MBTD1: variants seen among roughly 807,000 people sequenced by gnomAD.
MBTD1 encodes MBT domain-containing protein 1.
Under a neutral mutation model 87.8 loss-of-function variants are expected in MBTD1, and 24 were observed. That is an observed-to-expected ratio of 0.27 (90% confidence interval 0.20 to 0.38). The LOEUF is 0.38. Ranked by LOEUF, MBTD1 falls within the 10% of genes least tolerant of loss-of-function variation. The pLI is 1.00. For missense variants in MBTD1, 436 were observed against 760.2 expected, an observed-to-expected ratio of 0.57 and a Z score of 5.02; for synonymous variants, 237 against 248.6, an observed-to-expected ratio of 0.95 and a Z score of 0.44.
chr17:51,246,948 T>C (rs934190121), intron 2 of MBTD1, among the ~76,000 whole-genome samples: 4 of 152,150 alleles, frequency 2.6e-5, no homozygotes, highest in Non-Finnish European at 4.4e-5. Flanking sequence ...CCATTTGTTT[T>C]CTTTTCTATC....
At chr17:51,204,368 T>C (rs1484096406) in intron 7 of MBTD1, among the ~76,000 whole-genome samples, 1 of 151,642 alleles carries the variant, frequency 6.6e-6, no homozygotes, top group Non-Finnish European at 1.5e-5. Context: ...GCGATTCTCC[T>C]ACCTCAGCCT....
intron 2 of MBTD1, among the ~76,000 whole-genome samples, chr17:51,239,224 G>A (rs947507328): frequency 5.3e-5 from 8 of 152,022 alleles, no homozygotes; most frequent in Admixed American, 4.6e-4. Context: ...GGGATAGACA[G>A]TAAAAGAGCA....
Position 51,208,387 on chromosome 17 carries a change from T to A in MBTD1, c.487-1382A>T, listed in dbSNP as rs1055506273. On this transcript the variant is annotated intron_variant, in intron 6 of 16. Coordinates refer to ENST00000586178, the MANE Select transcript of MBTD1 (RefSeq NM_017643.3). ...CTTGTGCAAAAAATAATATATTCAT[T>A]GTGACTACCTCTTCTTTAAACTGAA... 3.3e-5 allele frequency among the ~76,000 whole-genome samples: 5 copies of A among 152,230 alleles called. No homozygotes were observed. The South Asian group carries it at 6.2e-4, about 19-fold the overall frequency.
intron 2 of MBTD1, among the ~76,000 whole-genome samples, chr17:51,241,081 C>T (rs2054139055): frequency 6.6e-6 from 1 of 151,982 alleles, no homozygotes; most frequent in Admixed American, 6.6e-5. Flanking sequence ...AGGGTTCAAG[C>T]AATCCTTTTG....
At chr17:51,259,613 G>C (rs567892999) in intron 1 of MBTD1, among the ~76,000 whole-genome samples, 2 of 150,780 alleles carry the variant, frequency 1.3e-5, no homozygotes, top group Non-Finnish European at 3.0e-5. Flanking sequence ...GGAGGAGATG[G>C]AGAGAACCCC....
intron 2 of MBTD1, among the ~76,000 whole-genome samples, chr17:51,246,853 T>C (rs1329329386): frequency 6.6e-6 from 1 of 152,172 alleles, no homozygotes; most frequent in Middle Eastern, 3.2e-3. Flanking sequence ...TTGGCCAGGC[T>C]GGTCTTGAAC....
At chr17:51,250,820 T>C (rs924982672) in intron 2 of MBTD1, 4 of 152,232 alleles carry the variant, frequency 2.6e-5, no homozygotes, top group Non-Finnish European at 4.4e-5. Flanking sequence ...CAGTAGACTT[T>C]GGATCCATCT....
rs771790728 is a variant in MBTD1 at position 51,195,280 on chromosome 17, T to G, written c.1306A>C (p.Thr436Pro). 6.2e-7 allele frequency: 1 copy of G among 1,613,282 alleles called. No individual in the cohort carries two copies. Among genetic ancestry groups the G allele is most frequent in the Admixed American group, 1.7e-5 (1 of 59,946 alleles). Residue 436 changes from threonine (T) to proline (P), a missense_variant, in exon 13 of 17, where the codon ACC (threonine) becomes CCC (proline). This residue lies in a region of MBTD1 where 268 missense variants were observed against 401.8 expected (regional missense o/e 0.67). Coordinates refer to ENST00000586178, the MANE Select transcript of MBTD1 (RefSeq NM_017643.3). ...DGSDWFCYHA[T>P]SPSIFPVGFC... ...CCGACAGGGAAAATAGAAGGAGAGG[T>G]TGCATGGTAACAGAACCAGTCAGAT...
chr17:51,229,627 T>A (rs1451712656), intron 2 of MBTD1, among the ~76,000 whole-genome samples: 4 of 151,682 alleles, frequency 2.6e-5, no homozygotes, highest in African/African-American at 9.7e-5. Context: ...CACGTTCTAA[T>A]AATGTTGCCA....
intron 2 of MBTD1, among the ~76,000 whole-genome samples, chr17:51,245,990 T>G (rs925185760): frequency 6.6e-6 from 1 of 152,226 alleles, no homozygotes; most frequent in Non-Finnish European, 1.5e-5. Context: ...TTCCATTTGT[T>G]CAAGTCTGCT....
intron 2 of MBTD1, among the ~76,000 whole-genome samples, chr17:51,258,164 T>C (rs1448082260): frequency 1.3e-5 from 2 of 152,222 alleles, no homozygotes; most frequent in Non-Finnish European, 1.5e-5. Flanking sequence ...ACCTTTTAAA[T>C]AGGAGACTGG....
intron 2 of MBTD1, among the ~76,000 whole-genome samples, chr17:51,243,422 T>G (rs1331533683): frequency 6.6e-6 from 1 of 152,192 alleles, no homozygotes; most frequent in Non-Finnish European, 1.5e-5. Flanking sequence ...CATATTTTTC[T>G]TCTCTAAACA....
rs145829452 is a variant in MBTD1 at position 51,205,437 on chromosome 17, TA to T, written c.604+1450del. On this transcript the variant is annotated intron_variant, in intron 7 of 16. Coordinates refer to ENST00000586178, the MANE Select transcript of MBTD1 (RefSeq NM_017643.3). ...AAGAGCTATTTAAATGTAACTAACTTAAACACCCAGGGCAAAAATAATATGC... is the reference window on the plus strand; with the variant it reads ...AAGAGCTATTTAAATGTAACTAACTTAACACCCAGGGCAAAAATAATATGC... 2.3e-3 allele frequency among the ~76,000 whole-genome samples: 346 copies of T among 152,358 alleles called. 1 individual carries two copies. Among genetic ancestry groups the T allele is most frequent in the Admixed American group, 5.0e-3 (77 of 15,304 alleles).
At chr17:51,232,269 T>C (rs1313937499) in intron 2 of MBTD1, among the ~76,000 whole-genome samples, 1 of 152,006 alleles carries the variant, frequency 6.6e-6, no homozygotes, top group Non-Finnish European at 1.5e-5. Context: ...CAAACCTAAA[T>C]TAGATCAGGA....
At position 51,194,566 on chromosome 17, in the gene MBTD1, C is replaced by CAAAAAAAAAAAAAAAA. The variant is rs71355733; in HGVS notation, c.1372+632_1372+647dup. 4.0e-3 allele frequency among the ~76,000 whole-genome samples: 78 copies of CAAAAAAAAAAAAAAAA among 19,732 alleles called. 24 individuals carry two copies. Among genetic ancestry groups the CAAAAAAAAAAAAAAAA allele is most frequent in the African/African-American group, 0.014 (52 of 3,804 alleles). The allele number at this position is 19,732 out of a possible 152,430, so 12.9% of individuals were successfully genotyped here. On this transcript the variant is annotated intron_variant, in intron 13 of 16. Coordinates refer to ENST00000586178, the MANE Select transcript of MBTD1 (RefSeq NM_017643.3). ...CCTGGGTGACAGAGCGAGACTGTCT[C>CAAAAAAAAAAAAAAAA]AAAAAAAAAAAAAAAAAAAAAAAAA...
chr17:51,260,501 T>TCGG (rs760403564), upstream of MBTD1: 27 of 1,436,350 alleles, frequency 1.9e-5, no homozygotes, highest in East Asian at 1.2e-4. Flanking sequence ...CCCCGGGGCT[T>TCGG]CGGCGGCGGC....
At chr17:51,210,861 T>C (rs926052658) in intron 6 of MBTD1, among the ~76,000 whole-genome samples, 1 of 150,754 alleles carries the variant, frequency 6.6e-6, no homozygotes. Context: ...CACTAAAGAA[T>C]TGGCATGGTG....
intron 2 of MBTD1, chr17:51,256,731 G>A (rs1265707425): frequency 6.6e-6 from 1 of 152,142 alleles, no homozygotes; most frequent in Non-Finnish European, 1.5e-5. Flanking sequence ...ACCACATGTG[G>A]CTAGTGGCTA....
intron 10 of MBTD1, among the ~76,000 whole-genome samples, chr17:51,202,421 G>A (rs1423269322): frequency 1.3e-5 from 2 of 152,146 alleles, no homozygotes; most frequent in African/African-American, 2.4e-5. Flanking sequence ...AAAGGGAAAG[G>A]TATCTTTAGA....
Sources: gnomAD v4.1 joint callset for allele counts (sites outside exome capture counted in the v4.1 genomes callset) on GRCh38, gnomAD v4.1.1 for gene constraint, gnomAD v4.1.1 regional missense constraint, MANE v1.5 for transcripts, NCBI Gene and HGNC (gene_info 2026-07-23, HGNC 2026-07-21) for gene names.